The following CYP2C18 variants were observed in gnomAD, a reference collection of about 807,000 sequenced individuals.
CYP2C18 encodes cytochrome P450 2C18.
In CYP2C18, 38 loss-of-function variants were observed where a neutral mutation model predicts 41.3. The observed-to-expected ratio is 0.92, with a 90% CI of 0.71 to 1.21. The LOEUF is 1.21. Ranked by LOEUF, CYP2C18 falls within the 50% of genes most tolerant of loss-of-function variation. The pLI, the probability that CYP2C18 is intolerant of heterozygous loss-of-function variation, is 0.00. For synonymous variants in CYP2C18, 236 were observed against 210.0 expected, an observed-to-expected ratio of 1.12 and a Z score of -1.07; for missense variants, 635 against 591.4, an observed-to-expected ratio of 1.07 and a Z score of -0.77.
intron 1 of CYP2C18, among the ~76,000 whole-genome samples, chr10:94,685,634 C>T (rs1256398728): frequency 6.6e-6 from 1 of 152,156 alleles, no homozygotes; most frequent in Non-Finnish European, 1.5e-5. Context: ...GTTTTCCCAA[C>T]ACCTTTTGCT....
chr10:94,689,880 A>G (rs1450910092), intron 3 of CYP2C18, among the ~76,000 whole-genome samples: 1 of 152,016 alleles, frequency 6.6e-6, no homozygotes, highest in African/African-American at 2.4e-5. Flanking sequence ...GGCCACCCCT[A>G]TATCCCAGAG....
In CYP2C18 at chr10:94,683,867, C is replaced by G; in HGVS notation, c.48C>G (p.Leu16=). 1 of 1,610,858 alleles carries G rather than the reference C, an allele frequency of 6.2e-7. No homozygotes were observed. Among genetic ancestry groups the G allele is most frequent in the Non-Finnish European group, 8.5e-7 (1 of 1,178,584 alleles). Residue 16 remains leucine (L), a synonymous_variant, in exon 1 of 9, where the codon CTC becomes CTG. Coordinates refer to ENST00000285979, the MANE Select transcript of CYP2C18 (RefSeq NM_000772.3). The part of the protein sequence containing the change: ...ALVLCLSCLF[L]LSLWRQSSGR... ...TGCTCTGTCTCTCCTGTTTGTTTCT[C>G]CTTTCACTCTGGAGGCAGAGCTCTG...
At chr10:94,699,128 G>T (rs1230301115) in intron 4 of CYP2C18, among the ~76,000 whole-genome samples, 3 of 152,064 alleles carry the variant, frequency 2.0e-5, no homozygotes, top group Admixed American at 2.0e-4. Context: ...AATGCATTTG[G>T]TGAGGCCAGC....
chr10:94,703,716 C>T (rs1292863535), intron 4 of CYP2C18, among the ~76,000 whole-genome samples: 1 of 152,160 alleles, frequency 6.6e-6, no homozygotes, highest in East Asian at 1.9e-4. Context: ...GGCTCCCTGG[C>T]TTCAGCCCCC....
intron 4 of CYP2C18, among the ~76,000 whole-genome samples, chr10:94,704,186 C>T (rs1282558383): frequency 6.6e-6 from 1 of 152,108 alleles, no homozygotes; most frequent in African/African-American, 2.4e-5. Context: ...GCCATCTTGC[C>T]CCAATCCCAG....
intron 5 of CYP2C18, among the ~76,000 whole-genome samples, chr10:94,715,183 C>T (rs1336429748): frequency 6.6e-6 from 1 of 152,132 alleles, no homozygotes; most frequent in Non-Finnish European, 1.5e-5. Flanking sequence ...CTTTCTCCTG[C>T]CTGATTACTC....
chr10:94,709,986 T>G (rs1847408729), intron 5 of CYP2C18, among the ~76,000 whole-genome samples: 1 of 147,792 alleles, frequency 6.8e-6, no homozygotes, highest in Non-Finnish European at 1.5e-5. Context: ...ATGACAGTAC[T>G]TTTTTTTTTT....
intron 3 of CYP2C18, among the ~76,000 whole-genome samples, chr10:94,691,384 C>G (rs1318456387): frequency 2.6e-5 from 4 of 152,046 alleles, no homozygotes; most frequent in Non-Finnish European, 5.9e-5. Context: ...CAATAGCAGA[C>G]AAACAGAGAG....
rs147634197 is a variant in CYP2C18, at chr10:94,705,454, A to G, written c.643-1330A>G. 8.5e-3 allele frequency among the ~76,000 whole-genome samples: 1,288 copies of G among 152,320 alleles called. 22 individuals are homozygous for G. The highest frequency in any genetic ancestry group is 0.062 in the East Asian group (319 of 5,170). On this transcript the variant is annotated intron_variant, in intron 4 of 8. Transcript: ENST00000285979. ...GAGTTTATAGGTGCAGTAAACCACC[A>G]TGGCACACATTTACCTATGTAACAA...
chr10:94,712,751 T>C (rs1017990459), intron 5 of CYP2C18, among the ~76,000 whole-genome samples: 2 of 152,194 alleles, frequency 1.3e-5, no homozygotes, highest in Admixed American at 1.3e-4. Context: ...TTTTAGTTTT[T>C]TGAGGAACCT....
intron 7 of CYP2C18, among the ~76,000 whole-genome samples, chr10:94,726,674 T>C (rs1294363991): frequency 6.6e-6 from 1 of 152,118 alleles, no homozygotes; most frequent in East Asian, 1.9e-4. Context: ...AAAAATTGAC[T>C]GTAGCCATCA....
rs146250552 is a variant in CYP2C18 at position 94,694,684 on chromosome 10, C to T, written c.482-233C>T. Among the ~76,000 whole-genome samples, 801 of 152,022 alleles carry T rather than the reference C, an allele frequency of 5.3e-3. 27 individuals carry two copies. The highest frequency in any genetic ancestry group is 2.9e-3 in the East Asian group (15 of 5,172). ...CAGAATTGTGTAAAGAAAGGCAGTGCGGTAAATGCAGTATTTGGAAAACCA... is the reference window on the plus strand; with the variant it reads ...CAGAATTGTGTAAAGAAAGGCAGTGTGGTAAATGCAGTATTTGGAAAACCA... On this transcript the variant is annotated intron_variant, in intron 3 of 8. Transcript: ENST00000285979.
intron 5 of CYP2C18, among the ~76,000 whole-genome samples, chr10:94,714,017 T>C (rs1847494744): frequency 1.3e-5 from 2 of 152,200 alleles, no homozygotes; most frequent in Admixed American, 1.3e-4. Flanking sequence ...ACCCACTTTG[T>C]GATGGGGTTG....
chr10:94,720,437 G>A lies in CYP2C18; in HGVS notation c.861G>A (p.Leu287=). 2 of 1,612,896 alleles carry A rather than the reference G, an allele frequency of 1.2e-6. No homozygotes were observed. The highest frequency in any genetic ancestry group is 2.2e-5 in the South Asian group (2 of 90,982). Residue 287 remains leucine (L), a synonymous_variant, in exon 6 of 9, where the codon TTG becomes TTA. Transcript: ENST00000285979. ...AGTCTGAATTTACTGTTGAAAGCTTGATAGCCACTGTAACTGATATGTTTG... is the reference window on the plus strand; with the variant it reads ...AGTCTGAATTTACTGTTGAAAGCTTAATAGCCACTGTAACTGATATGTTTG... ...NQQSEFTVES[L]IATVTDMFGA... is the part of the protein sequence containing the mutation.
Position 94,683,963 on chromosome 10 carries a change from G to C in CYP2C18, c.144G>C (p.Lys48Asn), listed in dbSNP as rs747934018. The C allele has an allele frequency of 2.5e-6, 4 of 1,608,160 alleles. No individual in the cohort carries two copies. The Admixed American group carries it at 6.8e-5, about 27-fold the overall frequency. ...IIGNILQLDV[K>N]DMSKSLTNFS... ...GAAATATCCTGCAGTTAGATGTTAA[G>C]GACATGAGCAAATCCTTAACCAATG... is the stretch of plus-strand genomic sequence containing the variant. Residue 48 changes from lysine (K) to asparagine (N), a missense_variant, in exon 1 of 9, where the codon AAG (lysine) becomes AAC (asparagine). Lys to Asn is a moderately conservative substitution (Grantham distance 94, BLOSUM62 0). Transcript: ENST00000285979.
chr10:94,720,210 G>A (rs1847624362), intron 5 of CYP2C18, among the ~76,000 whole-genome samples, 186 bp from the exon 6 acceptor site: 1 of 152,158 alleles, frequency 6.6e-6, no homozygotes, highest in Admixed American at 6.5e-5. Flanking sequence ...CAATGGATAA[G>A]TAGGAATGGG....
At chr10:94,721,561 A>G (rs1217795349) in intron 6 of CYP2C18, among the ~76,000 whole-genome samples, 1 of 151,782 alleles carries the variant, frequency 6.6e-6, no homozygotes, top group African/African-American at 2.4e-5. Context: ...CTTCACCTGA[A>G]TAGTGTACAT....
chr10:94,715,473 C>A (rs1391274858), intron 5 of CYP2C18, among the ~76,000 whole-genome samples: 1 of 152,054 alleles, frequency 6.6e-6, no homozygotes, highest in African/African-American at 2.4e-5. Context: ...TGTTTATATG[C>A]TGGATTACAT....
At chr10:94,718,629 G>A (rs565251259) in intron 5 of CYP2C18, among the ~76,000 whole-genome samples, 12 of 152,230 alleles carry the variant, frequency 7.9e-5, no homozygotes, top group Admixed American at 5.2e-4. Flanking sequence ...ACTATCAGGA[G>A]CAGCAATTTG....
Sources: allele counts gnomAD v4.1 joint callset (sites outside exome capture counted in the v4.1 genomes callset), GRCh38; gene constraint gnomAD v4.1.1; transcripts MANE v1.5; gene names NCBI Gene and HGNC (gene_info 2026-07-23, HGNC 2026-07-21).